LMAN1L: variants seen among roughly 807,000 people sequenced by gnomAD.
The protein encoded by LMAN1L is protein ERGIC-53-like.
A neutral mutation model predicts 58.3 loss-of-function variants in LMAN1L; 60 were observed. That is an observed-to-expected ratio of 1.03 (90% CI 0.84 to 1.27). LMAN1L has a LOEUF of 1.27. Ranked by LOEUF, LMAN1L falls within the 50% of genes most tolerant of loss-of-function variation. The pLI is 0.00. For synonymous variants in LMAN1L, 280 were observed against 271.6 expected, an observed-to-expected ratio of 1.03 and a Z score of -0.31; for missense variants, 629 against 674.0, an observed-to-expected ratio of 0.93 and a Z score of 0.74.
chr15:74,817,201 C>T (rs1307684435), intron 4 of LMAN1L, among the ~76,000 whole-genome samples: 2 of 152,204 alleles, frequency 1.3e-5, no homozygotes, highest in Non-Finnish European at 2.9e-5. Flanking sequence ...TCTCTCGGCT[C>T]ATAACAATTA....
chr15:74,819,781 C>G (rs2063908364), intron 6 of LMAN1L: 1 of 571,838 alleles, frequency 1.7e-6, no homozygotes, highest in African/African-American at 1.9e-5. Flanking sequence ...GCTGCCATGG[C>G]TCTAGCCCAG....
intron 4 of LMAN1L, among the ~76,000 whole-genome samples, chr15:74,818,091 A>G (rs1442407953): frequency 1.3e-5 from 2 of 150,652 alleles, no homozygotes; most frequent in African/African-American, 2.4e-5. Flanking sequence ...GGGTCGGGGG[A>G]ATGGAGGGCA....
chr15:74,819,409 T>A, intron 6 of LMAN1L, 137 bp downstream of exon 6: 1 of 1,145,884 alleles, frequency 8.7e-7, no homozygotes, highest in Non-Finnish European at 1.2e-6. Context: ...TTGGGAGAAG[T>A]CATGTCTGCC....
chr15:74,825,706 A>T lies in LMAN1L; in HGVS notation c.*101A>T. On this transcript the variant is annotated 3_prime_UTR_variant, in exon 14 of 14. Coordinates refer to ENST00000309664, the MANE Select transcript of LMAN1L (RefSeq NM_021819.3). ...GTCTGGGTGCCCAGCTCCCACGCAC[A>T]CCTGAGCTTTCGGCATGCTCCCACC... The T allele has an allele frequency of 8.1e-6, 10 of 1,228,170 alleles. No homozygotes were observed. The South Asian group carries it at 1.2e-4, about 15-fold the overall frequency. The allele number at this position is 1,228,170 out of a possible 1,614,324, so 76.1% of individuals were successfully genotyped here.
chr15:74,823,664 G>C lies in LMAN1L; in HGVS notation c.1305G>C (p.Glu435Asp), dbSNP rs1019369492. ...ELDHILGLLQ[E>D]ELRGPAKAAA... ...ACCACATCCTGGGCCTCCTGCAGGA[G>C]GAGCTTCGGGGCCCGGCGGTGAGGG... Residue 435 changes from glutamate to aspartate, a missense_variant, in exon 12 of 14, where the codon GAG becomes GAC. This residue lies in a region of LMAN1L where 573 missense variants were observed against 597.3 expected (regional missense o/e 0.96). Coordinates refer to ENST00000309664, the MANE Select transcript of LMAN1L (RefSeq NM_021819.3). The C allele has an allele frequency of 6.2e-7, 1 of 1,613,624 alleles. No individual in the cohort carries two copies. Among genetic ancestry groups the C allele is most frequent in the South Asian group, 1.1e-5 (1 of 91,070 alleles).
Position 74,825,463 on chromosome 15 carries a change from T to C in LMAN1L, c.1452-13T>C. 1.2e-6 allele frequency: 2 copies of C among 1,607,318 alleles called. No homozygotes were observed. Among genetic ancestry groups the C allele is most frequent in the Non-Finnish European group, 1.7e-6 (2 of 1,174,908 alleles). ...GAGACGCAAGTAACCTGTAACCTTC[T>C]CTCTGGCAGCAGGCAGGAGCTGAAC... is the stretch of plus-strand genomic sequence containing the variant. On this transcript the variant is annotated splice_polypyrimidine_tract_variant and intron_variant, in intron 13 of 13. Transcript: ENST00000309664.
intron 12 of LMAN1L, chr15:74,823,902 G>C: frequency 1.7e-6 from 1 of 580,492 alleles, no homozygotes; most frequent in Non-Finnish European, 3.0e-6. Flanking sequence ...TCTCTGAAGA[G>C]TCCCACAGAC....
At chr15:74,816,078 C>A in intron 1 of LMAN1L, 79 bp from the exon 2 acceptor site, 1 of 1,475,730 alleles carries the variant, frequency 6.8e-7, no homozygotes, top group Non-Finnish European at 9.0e-7. Flanking sequence ...TTCCGGGAGC[C>A]CAGCCCGGGC....
At chr15:74,819,650 T>G (rs371015207) in intron 6 of LMAN1L, 59 of 466,692 alleles carry the variant, frequency 1.3e-4, no homozygotes, top group African/African-American at 1.1e-3. Context: ...TGCCAGGACC[T>G]TGGTCTGGTT....
rs2063939199 is a variant in LMAN1L at position 74,825,705 on chromosome 15, C to A, written c.*100C>A. Reference sequence around the variant, plus strand: ...CGTCTGGGTGCCCAGCTCCCACGCACACCTGAGCTTTCGGCATGCTCCCAC... The same window carrying A: ...CGTCTGGGTGCCCAGCTCCCACGCAAACCTGAGCTTTCGGCATGCTCCCAC... On this transcript the variant is annotated 3_prime_UTR_variant, in exon 14 of 14. Transcript: ENST00000309664. The A allele has an allele frequency of 1.6e-6, 2 of 1,231,940 alleles. No homozygotes were observed. Among genetic ancestry groups the A allele is most frequent in the Non-Finnish European group, 2.3e-6 (2 of 873,402 alleles). The allele number at this position is 1,231,940 out of a possible 1,614,324, so 76.3% of individuals were successfully genotyped here. A position where few individuals can be genotyped will look rare whatever the true frequency, so the allele number is the denominator to read the frequency against.
rs1202600729 is a variant in LMAN1L at position 74,816,709 on chromosome 15, TGA to T, written c.497+20_497+21del. 2.5e-6 allele frequency: 4 copies of T among 1,609,684 alleles called. No individual in the cohort carries two copies. The highest frequency in any genetic ancestry group is 3.4e-6 in the Non-Finnish European group (4 of 1,177,314). ...AGCCTGGGTAAGGGCCTGTCTGGAC[TGA>T]CCACTCACCTCCATTTTTGCACTGG... On this transcript the variant is annotated intron_variant, in intron 4 of 13. Coordinates refer to ENST00000309664, the MANE Select transcript of LMAN1L (RefSeq NM_021819.3).
intron 3 of LMAN1L, 47 bp downstream of exon 3, chr15:74,816,581 C>T: frequency 6.3e-7 from 1 of 1,593,352 alleles, no homozygotes; most frequent in Non-Finnish European, 8.6e-7. Flanking sequence ...CGCTCACACC[C>T]TCCCCCTCCC....
intron 4 of LMAN1L, among the ~76,000 whole-genome samples, 159 bp downstream of exon 4, chr15:74,816,849 C>G (rs533364148): frequency 8.5e-5 from 13 of 152,302 alleles, no homozygotes; most frequent in Admixed American, 2.6e-4. Flanking sequence ...CGTCCGCCCC[C>G]CTGGGGCTTG....
intron 6 of LMAN1L, 98 bp from the exon 7 acceptor site, chr15:74,819,946 C>T (rs2063908979): frequency 8.6e-7 from 1 of 1,164,126 alleles, no homozygotes. Context: ...AGTCACCCCT[C>T]TTGCCTCGGT....
intron 1 of LMAN1L, among the ~76,000 whole-genome samples, chr15:74,814,330 A>T (rs1287485789): frequency 1.4e-5 from 2 of 144,946 alleles, no homozygotes; most frequent in Non-Finnish European, 3.0e-5. Context: ...AGTAGCTGGG[A>T]TTACAGGTGT....
At position 74,816,458 on chromosome 15, in the gene LMAN1L, T is replaced by C; in HGVS notation, c.362T>C (p.Val121Ala). 6.4e-7 allele frequency: 1 copy of C among 1,554,420 alleles called. No individual in the cohort carries two copies. The highest frequency in any genetic ancestry group is 1.2e-5 in the South Asian group (1 of 81,458). ...TGGTACACCCGGGGCAGGGGCCATG[T>C]AGGCTCTGTCCTTGGGGGGCTGGCT... ...AVWYTRGRGH[V>A]GSVLGGLASW... The change falls in exon 3 of 14, where the codon GTA becomes GCA. Residue 121 changes from valine to alanine, a missense_variant. By Grantham distance (64) the Val-to-Ala change is moderately conservative. Coordinates refer to ENST00000309664, the MANE Select transcript of LMAN1L (RefSeq NM_021819.3).
intron 2 of LMAN1L, 38 bp downstream of exon 2, chr15:74,816,349 G>A (rs1414307697): frequency 1.3e-5 from 21 of 1,606,510 alleles, no homozygotes; most frequent in Admixed American, 1.2e-4. Context: ...AGCGGGGTGG[G>A]TCAGGGAGGC....
chr15:74,823,514 A>C, intron 11 of LMAN1L, 45 bp from the exon 12 acceptor site: 1 of 1,606,986 alleles, frequency 6.2e-7, no homozygotes, highest in Admixed American at 1.7e-5. Context: ...GGGTGGAAGC[A>C]GAAGAGGTAA....
rs1283709972 is a variant in LMAN1L, at chr15:74,823,647, C to T, written c.1288C>T (p.Leu430=). 5 of 1,613,862 alleles carry T rather than the reference C, an allele frequency of 3.1e-6. No individual in the cohort carries two copies. Among genetic ancestry groups the T allele is most frequent in the Non-Finnish European group, 3.4e-6 (4 of 1,179,874 alleles). Residue 430 remains leucine, a synonymous_variant, in exon 12 of 14, where the codon CTG becomes TTG. Coordinates refer to ENST00000309664, the MANE Select transcript of LMAN1L (RefSeq NM_021819.3). ...EHHFLELDHI[L]GLLQEELRGP... ...TCATTTCTTAGAGCTGGACCACATC[C>T]TGGGCCTCCTGCAGGAGGAGCTTCG... is the stretch of plus-strand genomic sequence containing the variant.
Sources: gnomAD v4.1 joint callset for allele counts (sites outside exome capture counted in the v4.1 genomes callset) on GRCh38, gnomAD v4.1.1 for gene constraint, gnomAD v4.1.1 regional missense constraint, MANE v1.5 for transcripts, NCBI Gene and HGNC (gene_info 2026-07-23, HGNC 2026-07-21) for gene names.